Variants in PACS1 observed in about 807,000 individuals in gnomAD.
PACS1 encodes PACS-1.
A neutral mutation model predicts 115.0 loss-of-function variants in PACS1; 24 were observed. That is an observed-to-expected ratio of 0.21 (90% CI 0.15 to 0.29). The LOEUF is 0.29. PACS1 is among the 10% of genes least tolerant of loss of function. The pLI is 1.00. For missense variants in PACS1, 838 were observed against 1,251.2 expected (o/e 0.67, Z 4.98); for synonymous variants, 453 against 504.5 (o/e 0.90, Z 1.37).
chr11:66,168,995 A>G (rs943546119), intron 1 of PACS1, among the ~76,000 whole-genome samples: 1 of 150,064 alleles, frequency 6.7e-6, no homozygotes, highest in Admixed American at 6.6e-5. Flanking sequence ...TCATATTTTT[A>G]TGTCTTTTTT....
intron 2 of PACS1, among the ~76,000 whole-genome samples, chr11:66,207,950 G>A (rs72936660): frequency 0.25 from 38,474 of 151,884 alleles, 5,837 homozygotes; most frequent in South Asian, 0.46. Context: ...TGTATTTTTC[G>A]TAGAGACGAG....
intron 1 of PACS1, among the ~76,000 whole-genome samples, chr11:66,168,072 T>G (rs1461911115): frequency 6.7e-6 from 1 of 150,294 alleles, no homozygotes; most frequent in Non-Finnish European, 1.5e-5. Context: ...GGCTACTTTT[T>G]AAAAATTTTT....
At chr11:66,075,793 C>T (rs1857385118) in intron 1 of PACS1, among the ~76,000 whole-genome samples, 1 of 145,698 alleles carries the variant, frequency 6.9e-6, no homozygotes, top group South Asian at 2.1e-4. Flanking sequence ...GGCTGGAATG[C>T]AGTGGCGCGA....
In PACS1 at chr11:66,235,747, C is replaced by T. The variant is rs1373435762; in HGVS notation, c.2208-151C>T. On this transcript the variant is annotated intron_variant, in intron 18 of 23. Transcript: ENST00000320580. This position sits in a 1 kb window ranked among gnomAD's most constrained non-coding sequence, Gnocchi z 5.6. ...CTCCACATGCACAGCAAGTCCCAGA[C>T]CTTCCCCATGCCACCCCAGGATGTG... 1.3e-6 allele frequency: 1 copy of T among 764,398 alleles called. No homozygotes were observed. Among genetic ancestry groups the T allele is most frequent in the Non-Finnish European group, 2.4e-6 (1 of 420,032 alleles). The allele number at this position is 764,398 out of a possible 1,614,324, so 47.4% of individuals were successfully genotyped here.
At chr11:66,226,673 T>A (rs369899743) in intron 10 of PACS1, among the ~76,000 whole-genome samples, 1 of 152,184 alleles carries the variant, frequency 6.6e-6, no homozygotes, top group East Asian at 1.9e-4. Flanking sequence ...CTCAGTATTA[T>A]ATGATTGACT....
chr11:66,210,619 C>T (rs1408093419), intron 3 of PACS1, among the ~76,000 whole-genome samples, 168 bp downstream of exon 3: 8 of 152,228 alleles, frequency 5.3e-5, no homozygotes, highest in Admixed American at 2.0e-4. Flanking sequence ...GCCAAAGCAA[C>T]CCTTTAGCCA....
At position 66,070,829 on chromosome 11, in the gene PACS1, A is replaced by C; in HGVS notation, c.343A>C (p.Ser115Arg). 1 of 1,492,980 alleles carries C rather than the reference A, an allele frequency of 6.7e-7. No homozygotes were observed. The highest frequency in any genetic ancestry group is 1.3e-5 in the South Asian group (1 of 79,734). 92.5% of individuals were successfully genotyped at this position (1,492,980 alleles called of 1,614,324 possible). ...CTGGGAGGTGGACCGGAGCTCGTCC[A>C]GCTGCGTGCCTAGGTGAGCGCGGGA... Reference protein sequence around the residue: ...ATWEVDRSSSSCVPRLFSLTL... With the variant: ...ATWEVDRSSSRCVPRLFSLTL... Residue 115 changes from serine to arginine, a missense_variant, in exon 1 of 24, where the codon AGC becomes CGC. Coordinates refer to ENST00000320580, the MANE Select transcript of PACS1 (RefSeq NM_018026.4). The surrounding 1 kb of genome is among the most constrained non-coding windows in gnomAD (Gnocchi z 5.9).
intron 7 of PACS1, 45 bp downstream of exon 7, chr11:66,216,820 C>T (rs12799055): frequency 4.9e-6 from 7 of 1,425,088 alleles, no homozygotes; most frequent in Non-Finnish European, 5.9e-6. Flanking sequence ...GATTTTCAGT[C>T]TGGGGGTAGG....
intron 1 of PACS1, among the ~76,000 whole-genome samples, chr11:66,072,317 C>G (rs1000307296): frequency 2.6e-5 from 4 of 152,006 alleles, no homozygotes; most frequent in South Asian, 2.1e-4. Context: ...TAGGTTGTTT[C>G]CTGTTTAACA....
chr11:66,159,361 C>T (rs1355990954), intron 1 of PACS1, among the ~76,000 whole-genome samples: 3 of 152,054 alleles, frequency 2.0e-5, no homozygotes, highest in African/African-American at 4.8e-5. Context: ...CACTTGAACC[C>T]GGGAGACGGA....
chr11:66,112,094 C>G (rs1858202950), intron 1 of PACS1, among the ~76,000 whole-genome samples: 2 of 152,208 alleles, frequency 1.3e-5, no homozygotes, highest in Non-Finnish European at 2.9e-5. Flanking sequence ...CCAGACTGAT[C>G]TGTTTCACTG....
chr11:66,185,538 C>A (rs1320597992), intron 1 of PACS1, among the ~76,000 whole-genome samples: 1 of 152,122 alleles, frequency 6.6e-6, no homozygotes, highest in Non-Finnish European at 1.5e-5. Context: ...AGGTGTTCTT[C>A]TGCCTGATCC....
At chr11:66,160,193 C>A (rs1412293481) in intron 1 of PACS1, among the ~76,000 whole-genome samples, 1 of 152,154 alleles carries the variant, frequency 6.6e-6, no homozygotes, top group Non-Finnish European at 1.5e-5. Context: ...AGTTTTATAT[C>A]TAATTTAGGC....
intron 2 of PACS1, among the ~76,000 whole-genome samples, chr11:66,204,954 C>A (rs897449302): frequency 6.6e-6 from 1 of 152,038 alleles, no homozygotes; most frequent in Non-Finnish European, 1.5e-5. Flanking sequence ...CCAGCCTGAG[C>A]ACCATAGTGA....
chr11:66,171,932 TTCTTAGTTTAC>T (rs1232111944), intron 1 of PACS1, among the ~76,000 whole-genome samples: 1 of 152,184 alleles, frequency 6.6e-6, no homozygotes. Flanking sequence ...AACTTTTATT[TTCTTAGTTTAC>T]TCTCAAGCTT....
At chr11:66,114,359 A>G (rs1485365894) in intron 1 of PACS1, among the ~76,000 whole-genome samples, 2 of 151,012 alleles carry the variant, frequency 1.3e-5, no homozygotes, top group African/African-American at 4.9e-5. Context: ...CAGAGGTTGC[A>G]GTGAGCTGAG....
chr11:66,110,894 T>C (rs1858173196), intron 1 of PACS1, among the ~76,000 whole-genome samples: 1 of 152,198 alleles, frequency 6.6e-6, no homozygotes, highest in Non-Finnish European at 1.5e-5. Context: ...ATACGTGTGT[T>C]CAGCTACAAA....
At chr11:66,206,223 T>C (rs1480957736) in intron 2 of PACS1, among the ~76,000 whole-genome samples, 1 of 152,216 alleles carries the variant, frequency 6.6e-6, no homozygotes, top group African/African-American at 2.4e-5. Context: ...TGTGCTATGT[T>C]ACTTTAGTAT....
intron 1 of PACS1, among the ~76,000 whole-genome samples, chr11:66,106,824 C>T (rs531880388): frequency 1.3e-5 from 2 of 151,980 alleles, no homozygotes; most frequent in Admixed American, 6.5e-5. Flanking sequence ...AAAACTGGTT[C>T]TTTATACCTT....
Sources: allele counts gnomAD v4.1 joint callset (sites outside exome capture counted in the v4.1 genomes callset), GRCh38; gene constraint gnomAD v4.1.1; non-coding constraint Gnocchi (gnomAD v3.1); transcripts MANE v1.5; gene names NCBI Gene and HGNC (gene_info 2026-07-23, HGNC 2026-07-21).